The following CHD9 variants were observed in gnomAD, a reference collection of about 807,000 sequenced individuals.
CHD9 encodes chromodomain helicase DNA binding protein 9, also known as ATP-dependent chromatin remodeler CHD9.
In CHD9, 77 loss-of-function variants were observed where a neutral mutation model predicts 316.1. The observed-to-expected ratio is 0.24, with a 90% CI of 0.20 to 0.29. The LOEUF (loss-of-function observed/expected upper bound fraction) is 0.29, where lower values mean the gene tolerates loss of function less well. CHD9 is among the 10% of genes least tolerant of loss of function. CHD9 has a pLI of 1.00. For missense variants in CHD9, 2,763 were observed against 3,438.1 expected (o/e 0.80, Z 4.91); for synonymous variants, 1,129 against 1,158.3 (o/e 0.97, Z 0.51).
chr16:53,244,757 C>T (rs1311185230), intron 13 of CHD9, among the ~76,000 whole-genome samples: 1 of 151,886 alleles, frequency 6.6e-6, no homozygotes, highest in Non-Finnish European at 1.5e-5. Flanking sequence ...CAGAATGATA[C>T]AGAGTTTTTA....
Position 53,268,075 on chromosome 16 carries a change from C to T in CHD9, c.4666C>T (p.Leu1556Phe). ...GAAGATTAAAGGTTTCATATGGGAT[C>T]TCATTACTCCAACTGAAGATGGACA... ...DEKIKGFIWD[L>F]ITPTEDGQTR... Residue 1556 changes from leucine to phenylalanine, a missense_variant, in exon 22 of 39, where the codon CTC (leucine) becomes TTC (phenylalanine). Transcript: ENST00000447540. 6.2e-7 allele frequency: 1 copy of T among 1,612,740 alleles called. No individual in the cohort carries two copies. Among genetic ancestry groups the T allele is most frequent in the Non-Finnish European group, 8.5e-7 (1 of 1,179,288 alleles).
At chr16:53,081,996 T>A (rs1055379357) in intron 1 of CHD9, among the ~76,000 whole-genome samples, 1 of 151,894 alleles carries the variant, frequency 6.6e-6, no homozygotes, top group Non-Finnish European at 1.5e-5. Flanking sequence ...TGTGTGTGTG[T>A]GAGAGAGAGA....
chr16:53,228,052 C>T (rs1354113355), intron 7 of CHD9, among the ~76,000 whole-genome samples: 3 of 151,614 alleles, frequency 2.0e-5, no homozygotes, highest in Non-Finnish European at 2.9e-5. Context: ...TGCCACCATA[C>T]TCCAGCCTGG....
intron 2 of CHD9, among the ~76,000 whole-genome samples, chr16:53,162,130 A>T (rs1073454): frequency 3.6e-4 from 55 of 152,224 alleles, no homozygotes; most frequent in Non-Finnish European, 6.9e-4. Flanking sequence ...ACGCTAAACT[A>T]TGTGTCAATT....
intron 2 of CHD9, among the ~76,000 whole-genome samples, chr16:53,195,763 C>CTTT (rs553431442): frequency 4.0e-5 from 5 of 125,724 alleles, no homozygotes; most frequent in African/African-American, 1.5e-4. Context: ...TCAATGTATG[C>CTTT]TTTTTTTTTT....
chr16:53,085,228 CT>C lies in CHD9; in HGVS notation c.-165+30172del, dbSNP rs888297957. ...ACTCTGGTCAGCTGCCTTTGATCAT[CT>C]TTTTTTTTTTTTTTTTTTTTATTTT... On this transcript the variant is annotated intron_variant, in intron 1 of 38. Transcript: ENST00000447540. Among the ~76,000 whole-genome samples the C allele has an allele frequency of 5.7e-4, 85 of 148,984 alleles. 1 individual carries two copies. Among genetic ancestry groups the C allele is most frequent in the Middle Eastern group, 3.5e-3 (1 of 288 alleles).
chr16:53,087,491 C>T (rs1388411905), intron 1 of CHD9, among the ~76,000 whole-genome samples: 1 of 152,210 alleles, frequency 6.6e-6, no homozygotes, highest in East Asian at 1.9e-4. Flanking sequence ...AGACTTGATT[C>T]AAATCCTGCC....
At chr16:53,198,568 C>T (rs1258707484) in intron 2 of CHD9, among the ~76,000 whole-genome samples, 5 of 152,086 alleles carry the variant, frequency 3.3e-5, no homozygotes, top group Middle Eastern at 3.4e-3. Context: ...CCTTGTGATC[C>T]GCCTGCCTCG....
chr16:53,297,276 C>T (rs774898619), intron 30 of CHD9, 118 bp downstream of exon 30: 1 of 705,966 alleles, frequency 1.4e-6, no homozygotes, highest in East Asian at 2.6e-5. Flanking sequence ...TTCAACTTGT[C>T]AGTAATTTTT....
chr16:53,307,173 T>C (rs2056061979), intron 32 of CHD9, among the ~76,000 whole-genome samples: 1 of 152,198 alleles, frequency 6.6e-6, no homozygotes, highest in Non-Finnish European at 1.5e-5. Flanking sequence ...TTTCTCCTCT[T>C]CTGTGTACGT....
chr16:53,204,023 CAAAAAAAAA>C (rs530552464), intron 2 of CHD9, among the ~76,000 whole-genome samples: 1 of 48,342 alleles, frequency 2.1e-5, no homozygotes, highest in Non-Finnish European at 3.5e-5. Flanking sequence ...GACTCCATCT[CAAAAAAAAA>C]AAAAAAAAAA....
intron 1 of CHD9, among the ~76,000 whole-genome samples, chr16:53,150,370 T>C (rs1380802349): frequency 6.6e-6 from 1 of 152,208 alleles, no homozygotes; most frequent in Non-Finnish European, 1.5e-5. Context: ...GGTATACACA[T>C]GCTCTGCTCC....
chr16:53,253,975 G>C (rs2050346585), intron 17 of CHD9, among the ~76,000 whole-genome samples: 1 of 152,098 alleles, frequency 6.6e-6, no homozygotes, highest in South Asian at 2.1e-4. Flanking sequence ...TCAGGAGTTC[G>C]AGACCAGCCT....
intron 1 of CHD9, among the ~76,000 whole-genome samples, chr16:53,135,492 G>A (rs2039647388): frequency 6.6e-6 from 1 of 152,074 alleles, no homozygotes; most frequent in Admixed American, 6.5e-5. Context: ...GTGTGGAGGA[G>A]GAACAACTGA....
intron 34 of CHD9, among the ~76,000 whole-genome samples, chr16:53,309,113 C>G (rs991524820): frequency 2.4e-4 from 37 of 152,206 alleles, no homozygotes; most frequent in Middle Eastern, 3.4e-3. Context: ...TTGCCTCATA[C>G]AGGTAAAAGT....
rs1258246693 is a variant in CHD9 at position 53,121,362 on chromosome 16, T to G, written c.-164-34564T>G. ...GAAACAGATGCACAAAGAGAAGGAA[T>G]GAGATGCTCGGGGATATTTTATCAA... is the stretch of plus-strand genomic sequence containing the variant. On this transcript the variant is annotated intron_variant, in intron 1 of 38. Transcript: ENST00000447540. The G allele has an allele frequency of 8.8e-6, 4 of 455,994 alleles. No homozygotes were observed. In the Admixed American group the frequency reaches 9.4e-5, roughly 11 times the overall value. 28.2% of individuals were successfully genotyped at this position (455,994 alleles called of 1,614,324 possible).
intron 1 of CHD9, among the ~76,000 whole-genome samples, chr16:53,116,685 A>T (rs2038334314): frequency 6.6e-6 from 1 of 152,192 alleles, no homozygotes; most frequent in Non-Finnish European, 1.5e-5. Context: ...AAAGACATAG[A>T]ACCAGAAATA....
chr16:53,295,249 C>A (rs1265745363), intron 29 of CHD9, among the ~76,000 whole-genome samples: 2 of 152,188 alleles, frequency 1.3e-5, no homozygotes, highest in Admixed American at 6.5e-5. Context: ...GCCTTGGCCT[C>A]CTGAGTGGCT....
intron 24 of CHD9, among the ~76,000 whole-genome samples, chr16:53,281,072 T>C (rs1277714032): frequency 6.6e-6 from 1 of 152,190 alleles, no homozygotes; most frequent in Non-Finnish European, 1.5e-5. Flanking sequence ...TCCTCAGCTC[T>C]CTTACCTTTT....
Sources: allele counts gnomAD v4.1 joint callset (sites outside exome capture counted in the v4.1 genomes callset), GRCh38; gene constraint gnomAD v4.1.1; transcripts MANE v1.5; gene names NCBI Gene and HGNC (gene_info 2026-07-23, HGNC 2026-07-21).